SAMD5: variants seen among roughly 807,000 people sequenced by gnomAD.
SAMD5 encodes sterile alpha motif domain-containing protein 5.
SAMD5 carries 13 observed loss-of-function variants against 11.3 expected under a neutral mutation model. That is an observed-to-expected ratio of 1.15 (90% CI 0.75 to 1.83). The LOEUF is 1.83. SAMD5 is among the 40% of genes most tolerant of loss of function. The pLI, the probability that SAMD5 is intolerant of heterozygous loss-of-function variation, is 0.00. For synonymous variants in SAMD5, 129 were observed against 111.3 expected (o/e 1.16, Z -1.00); for missense variants, 255 against 239.1 (o/e 1.07, Z -0.44).
At chr6:147,910,375 G>A in the SAMD5 span, among the ~76,000 whole-genome samples, 3 of 152,146 alleles carry the variant, frequency 2.0e-5, no homozygotes, top group African/African-American at 7.2e-5. Flanking sequence ...AAGTGAGAAG[G>A]GAGGGAATGA....
intron 1 of SAMD5, among the ~76,000 whole-genome samples, chr6:147,679,636 G>A (rs1373988980): frequency 6.6e-6 from 1 of 151,706 alleles, no homozygotes; most frequent in Admixed American, 6.6e-5. Context: ...TTTTTTCTAC[G>A]AGCAGAGTTT....
At chr6:147,553,963 G>A (rs1788812950) in intron 1 of SAMD5, among the ~76,000 whole-genome samples, 1 of 152,132 alleles carries the variant, frequency 6.6e-6, no homozygotes, top group Admixed American at 6.5e-5. Context: ...AAACATGTGT[G>A]TTAGTCCATT....
chr6:147,574,595 TGGGTAA>T, downstream of SAMD5, among the ~76,000 whole-genome samples: 1 of 152,168 alleles, frequency 6.6e-6, no homozygotes, highest in South Asian at 2.1e-4. Flanking sequence ...TGCCTGAGAC[TGGGTAA>T]AGAATAGATA....
At chr6:147,570,237 T>C (rs1187203689), downstream of SAMD5, among the ~76,000 whole-genome samples, 2 of 152,164 alleles carry the variant, frequency 1.3e-5, no homozygotes, top group African/African-American at 4.8e-5. Context: ...TCCTTTGGTA[T>C]GGTTGTTATA....
In SAMD5 at chr6:147,569,714, A is replaced by G. The variant is rs760665126; in HGVS notation, c.*5258A>G. On this transcript the variant is annotated 3_prime_UTR_variant, in exon 2 of 2. Coordinates refer to ENST00000367474, the MANE Select transcript of SAMD5 (RefSeq NM_001030060.3). ...AGATACTATTCGGGTTGCTAAAGCC[A>G]TTATTCATAGAAAATTTCTGCCCCT... is the stretch of plus-strand genomic sequence containing the variant. The G allele has an allele frequency of 3.0e-6, 3 of 985,394 alleles. No homozygotes were observed. The highest frequency in any genetic ancestry group is 3.6e-6 in the Non-Finnish European group (3 of 829,864). The allele number at this position is 985,394 out of a possible 1,614,324, so 61.0% of individuals were successfully genotyped here.
intron 1 of SAMD5, among the ~76,000 whole-genome samples, chr6:147,626,791 GAAAAAA>G (rs529975933): frequency 6.8e-4 from 37 of 54,726 alleles, no homozygotes; most frequent in South Asian, 3.8e-3. Context: ...CTGTTTCTAT[GAAAAAA>G]AAAAAAAAAA....
the SAMD5 span, among the ~76,000 whole-genome samples, chr6:147,811,796 C>G: frequency 6.6e-6 from 1 of 152,136 alleles, no homozygotes; most frequent in Non-Finnish European, 1.5e-5. Flanking sequence ...ATCCAGAAAA[C>G]TCAAATATAA....
At position 147,568,457 on chromosome 6, in the gene SAMD5, G is replaced by A. The variant is rs571510539; in HGVS notation, c.*4001G>A. ...GTATCAAAATAGGTTTAGGCAGGTGGAAGTTCTGAATTTCAAGGCAAATAA... is the reference window on the plus strand; with the variant it reads ...GTATCAAAATAGGTTTAGGCAGGTGAAAGTTCTGAATTTCAAGGCAAATAA... On this transcript the variant is annotated 3_prime_UTR_variant, in exon 2 of 2. Transcript: ENST00000367474. 5.1e-6 allele frequency: 5 copies of A among 985,384 alleles called. No homozygotes were observed. The South Asian group carries it at 1.9e-4, about 37-fold the overall frequency. 61.0% of individuals were successfully genotyped at this position (985,384 alleles called of 1,614,324 possible).
chr6:147,689,244 G>A (rs1265692882), intron 1 of SAMD5, among the ~76,000 whole-genome samples: 2 of 152,164 alleles, frequency 1.3e-5, no homozygotes, highest in Non-Finnish European at 2.9e-5. Context: ...GGTATTCAAG[G>A]CCAGGGGTTT....
chr6:147,532,280 T>G (rs2128441215), intron 1 of SAMD5, among the ~76,000 whole-genome samples: 1 of 152,184 alleles, frequency 6.6e-6, no homozygotes, highest in African/African-American at 2.4e-5. Context: ...TATCCCTCAC[T>G]CACTCCCTCC....
intron 1 of SAMD5, among the ~76,000 whole-genome samples, chr6:147,604,864 G>A (rs1789677142): frequency 6.6e-6 from 1 of 152,184 alleles, no homozygotes; most frequent in Non-Finnish European, 1.5e-5. Flanking sequence ...CTGGAGCATG[G>A]AGAATAGCAT....
chr6:147,673,770 C>G (rs1002456054), intron 1 of SAMD5, among the ~76,000 whole-genome samples: 5 of 151,884 alleles, frequency 3.3e-5, no homozygotes, highest in African/African-American at 1.2e-4. Flanking sequence ...TGGTGAAGGT[C>G]ACCTATATCT....
chr6:147,759,891 A>G, the SAMD5 span, among the ~76,000 whole-genome samples: 1 of 152,344 alleles, frequency 6.6e-6, no homozygotes, highest in Middle Eastern at 3.4e-3. Context: ...TATACAGAAT[A>G]TGTAAATTCT....
rs192707089 is a variant in SAMD5, at chr6:147,704,752, T to C, written c.163-32565T>C. ...TAACAAAGAGGAAAGGGAGCCTGTGTTTTTTAAAAAATACAAGATGAAATG... is the reference window on the plus strand; with the variant it reads ...TAACAAAGAGGAAAGGGAGCCTGTGCTTTTTAAAAAATACAAGATGAAATG... On this transcript the variant is annotated intron_variant, in intron 1 of 1. Coordinates refer to the SAMD5 transcript ENST00000566741. Among the ~76,000 whole-genome samples the C allele has an allele frequency of 1.4e-4, 22 of 152,286 alleles. No individual in the cohort carries two copies. The East Asian group carries it at 4.2e-3, about 29-fold the overall frequency.
chr6:147,778,507 A>G, the SAMD5 span, among the ~76,000 whole-genome samples: 2 of 152,138 alleles, frequency 1.3e-5, no homozygotes, highest in East Asian at 1.9e-4. Context: ...TTATCTGTCA[A>G]TGGCATCTCC....
chr6:147,545,092 T>C (rs1788665101), intron 1 of SAMD5, among the ~76,000 whole-genome samples: 1 of 152,236 alleles, frequency 6.6e-6, no homozygotes, highest in Non-Finnish European at 1.5e-5. Flanking sequence ...CTGTTGCGTT[T>C]GCATTAAAAA....
chr6:147,807,920 C>A, the SAMD5 span, among the ~76,000 whole-genome samples: 1 of 152,198 alleles, frequency 6.6e-6, no homozygotes, highest in Admixed American at 6.5e-5. Flanking sequence ...TAGATAGTAT[C>A]TAATCGTAAT....
chr6:147,643,778 AAG>A (rs1397988531), intron 1 of SAMD5, among the ~76,000 whole-genome samples: 1 of 138,860 alleles, frequency 7.2e-6, no homozygotes, highest in Admixed American at 7.1e-5. Context: ...GGAAGGAAGG[AAG>A]GAAGGAAGGA....
chr6:147,683,939 T>C (rs1790974056), intron 1 of SAMD5, among the ~76,000 whole-genome samples: 1 of 152,236 alleles, frequency 6.6e-6, no homozygotes, highest in Non-Finnish European at 1.5e-5. Context: ...CATTATTCTT[T>C]GCTTTAATTT....
Sources: gnomAD v4.1 joint callset for allele counts (sites outside exome capture counted in the v4.1 genomes callset) on GRCh38, gnomAD v4.1.1 for gene constraint, MANE v1.5 for transcripts, NCBI Gene and HGNC (gene_info 2026-07-23, HGNC 2026-07-21) for gene names.